The following PARD3B variants were observed in gnomAD, a reference collection of about 807,000 sequenced individuals.
The protein encoded by PARD3B is par-3 family cell polarity regulator beta.
Under a neutral mutation model 130.2 loss-of-function variants are expected in PARD3B, and 103 were observed. The observed-to-expected ratio is 0.79, with a 90% CI of 0.67 to 0.93. The LOEUF is 0.93. Ranked by LOEUF, PARD3B falls within the 40% of genes least tolerant of loss-of-function variation. PARD3B has a pLI of 0.00. For synonymous variants in PARD3B, 583 were observed against 553.2 expected, an observed-to-expected ratio of 1.05 and a Z score of -0.76; for missense variants, 1,609 against 1,499.2, an observed-to-expected ratio of 1.07 and a Z score of -1.21.
In PARD3B at chr2:204,830,265, C is replaced by G. The variant is rs530513918; in HGVS notation, c.223-134887C>G. ...ATAGGATAACTGGATTTACCAGATCCCTCTCCAAAAGTCTTTCTAGATTTG... is the reference window on the plus strand; with the variant it reads ...ATAGGATAACTGGATTTACCAGATCGCTCTCCAAAAGTCTTTCTAGATTTG... On this transcript the variant is annotated intron_variant, in intron 2 of 22. Coordinates refer to ENST00000406610, the MANE Select transcript of PARD3B (RefSeq NM_001302769.2). Among the ~76,000 whole-genome samples, 13 of 152,214 alleles carry G rather than the reference C, an allele frequency of 8.5e-5. No individual in the cohort carries two copies. In the South Asian group the frequency reaches 2.7e-3, roughly 32 times the overall value.
intron 2 of PARD3B, among the ~76,000 whole-genome samples, chr2:204,789,830 A>G (rs1482040492): frequency 6.6e-6 from 1 of 151,650 alleles, no homozygotes; most frequent in East Asian, 1.9e-4. Context: ...AGTCCTTTAC[A>G]TAAATTCTCT....
At chr2:204,957,662 G>C (rs568775948) in intron 2 of PARD3B, among the ~76,000 whole-genome samples, 18 of 152,192 alleles carry the variant, frequency 1.2e-4, no homozygotes, top group South Asian at 4.2e-4. Context: ...GGAAGGAAGA[G>C]AACGTACTTT....
At chr2:204,836,286 T>TA (rs2044028662) in intron 2 of PARD3B, among the ~76,000 whole-genome samples, 1 of 152,322 alleles carries the variant, frequency 6.6e-6, no homozygotes, top group South Asian at 2.1e-4. Context: ...TTTACATCTC[T>TA]ACAAGTAAAT....
At chr2:205,491,918 G>T (rs2049732562) in intron 20 of PARD3B, among the ~76,000 whole-genome samples, 1 of 152,166 alleles carries the variant, frequency 6.6e-6, no homozygotes, top group Admixed American at 6.5e-5. Context: ...TGGCTGGGGG[G>T]AGGACCGCAG....
chr2:205,089,113 A>G (rs1701931535), intron 4 of PARD3B, among the ~76,000 whole-genome samples: 2 of 150,396 alleles, frequency 1.3e-5, no homozygotes, highest in South Asian at 4.2e-4. Context: ...CAGTGAGGCC[A>G]TAACTCATGG....
Position 205,421,813 on chromosome 2 carries a change from T to C in PARD3B, c.2742-18557T>C, listed in dbSNP as rs1282426418. Among the ~76,000 whole-genome samples the C allele has an allele frequency of 2.0e-5, 3 of 152,226 alleles. No individual in the cohort carries two copies. Among genetic ancestry groups the C allele is most frequent in the Non-Finnish European group, 4.4e-5 (3 of 68,046 alleles). ...AGACTCATTGTCATTGGCTTTTACTTGGCTGCCTATGTTCCTGGCTCATGG... is the reference window on the plus strand; with the variant it reads ...AGACTCATTGTCATTGGCTTTTACTCGGCTGCCTATGTTCCTGGCTCATGG... On this transcript the variant is annotated intron_variant, in intron 19 of 22. Transcript: ENST00000406610. This position sits in a 1 kb window ranked among gnomAD's most constrained non-coding sequence, Gnocchi z 5.1.
intron 3 of PARD3B, among the ~76,000 whole-genome samples, chr2:204,980,716 A>G (rs1388396479): frequency 6.6e-6 from 1 of 152,178 alleles, no homozygotes; most frequent in East Asian, 1.9e-4. Context: ...ATTGAGGAAC[A>G]TTTTACAAAA....
chr2:205,415,857 A>G (rs1472781202), intron 19 of PARD3B, among the ~76,000 whole-genome samples: 2 of 152,182 alleles, frequency 1.3e-5, no homozygotes, highest in Admixed American at 6.5e-5. Context: ...AAATCATGCC[A>G]ATTGACACAG....
At chr2:205,326,002 A>G (rs1183942197) in intron 18 of PARD3B, among the ~76,000 whole-genome samples, 2 of 152,182 alleles carry the variant, frequency 1.3e-5, no homozygotes, top group Non-Finnish European at 2.9e-5. Context: ...AGGAAATGGA[A>G]TCTGTGAAAA....
At chr2:204,573,186 T>C (rs2032088416) in intron 1 of PARD3B, among the ~76,000 whole-genome samples, 1 of 152,206 alleles carries the variant, frequency 6.6e-6, no homozygotes, top group Admixed American at 6.5e-5. Context: ...CACTCTGAAA[T>C]TGACCCAGGT....
At chr2:204,864,390 A>G (rs2045329066) in intron 2 of PARD3B, among the ~76,000 whole-genome samples, 1 of 152,146 alleles carries the variant, frequency 6.6e-6, no homozygotes, top group African/African-American at 2.4e-5. Flanking sequence ...CATGAAGCAC[A>G]ACCTCCTTTT....
chr2:205,363,001 C>T (rs1280617184), intron 18 of PARD3B, among the ~76,000 whole-genome samples: 5 of 151,972 alleles, frequency 3.3e-5, no homozygotes, highest in Admixed American at 1.3e-4. Context: ...CCAAGTGCTG[C>T]GACTGGGGGA....
At chr2:205,284,510 G>A (rs1156634729) in intron 16 of PARD3B, among the ~76,000 whole-genome samples, 1 of 152,076 alleles carries the variant, frequency 6.6e-6, no homozygotes, top group East Asian at 1.9e-4. Context: ...CTTTTGACCT[G>A]AAAGAGTTAA....
At chr2:205,261,884 G>A (rs1431574356) in intron 16 of PARD3B, among the ~76,000 whole-genome samples, 1 of 152,122 alleles carries the variant, frequency 6.6e-6, no homozygotes, top group Non-Finnish European at 1.5e-5. Flanking sequence ...TTGAACCCCT[G>A]GAATGCTCTG....
intron 2 of PARD3B, among the ~76,000 whole-genome samples, chr2:204,880,247 T>A (rs2045989019): frequency 6.6e-6 from 1 of 152,214 alleles, no homozygotes; most frequent in South Asian, 2.1e-4. Context: ...TCCCTATCTC[T>A]GTCTTTGACT....
At chr2:205,154,200 GA>G (rs2033956808) in intron 10 of PARD3B, among the ~76,000 whole-genome samples, 1 of 151,658 alleles carries the variant, frequency 6.6e-6, no homozygotes, top group Non-Finnish European at 1.5e-5. Flanking sequence ...TAATTTACAA[GA>G]AAAAAACAAG....
intron 16 of PARD3B, among the ~76,000 whole-genome samples, chr2:205,298,123 C>A (rs1362551586): frequency 6.6e-6 from 1 of 152,124 alleles, no homozygotes; most frequent in Non-Finnish European, 1.5e-5. Flanking sequence ...ACAGTTTGGG[C>A]TCTAATGTAA....
intron 1 of PARD3B, among the ~76,000 whole-genome samples, chr2:204,552,881 C>T (rs763220909): frequency 6.6e-6 from 1 of 152,080 alleles, no homozygotes; most frequent in African/African-American, 2.4e-5. Flanking sequence ...ATACTAGTAC[C>T]GTGCTGTTTG....
At chr2:205,529,357 G>A (rs187891104) in intron 21 of PARD3B, among the ~76,000 whole-genome samples, 28 of 152,260 alleles carry the variant, frequency 1.8e-4, no homozygotes, top group East Asian at 9.6e-4. Flanking sequence ...GTAATTTGTC[G>A]GGTGTGACAA....
Sources: gnomAD v4.1 joint callset for allele counts (sites outside exome capture counted in the v4.1 genomes callset) on GRCh38, gnomAD v4.1.1 for gene constraint, Gnocchi (gnomAD v3.1) non-coding constraint, MANE v1.5 for transcripts, NCBI Gene and HGNC (gene_info 2026-07-23, HGNC 2026-07-21) for gene names.